Variants in NSMCE2 observed in about 807,000 individuals in gnomAD.
The protein encoded by NSMCE2 is E3 SUMO-protein ligase NSE2.
A neutral mutation model predicts 23.8 loss-of-function variants in NSMCE2; 24 were observed. The ratio of observed to expected loss-of-function variants is 1.01; its 90% CI spans 0.73 to 1.42. The LOEUF is 1.42. Among genes scored for constraint, NSMCE2 ranks in the 40% most tolerant of loss-of-function variants. NSMCE2 has a pLI of 0.00. For synonymous variants in NSMCE2, 92 were observed against 94.1 expected (o/e 0.98, Z 0.13); for missense variants, 284 against 296.5 (o/e 0.96, Z 0.31).
intron 4 of NSMCE2, among the ~76,000 whole-genome samples, chr8:125,164,950 T>G (rs976013188): frequency 1.3e-5 from 2 of 152,230 alleles, no homozygotes; most frequent in African/African-American, 4.8e-5. Flanking sequence ...TCATGATCAA[T>G]TCTTAGAAGT....
chr8:125,299,448 G>A (rs1248440850), intron 5 of NSMCE2, among the ~76,000 whole-genome samples: 1 of 152,160 alleles, frequency 6.6e-6, no homozygotes, highest in African/African-American at 2.4e-5. Context: ...ACAGGAGAGA[G>A]AGCGAGCAAG....
intron 5 of NSMCE2, among the ~76,000 whole-genome samples, chr8:125,326,105 AAAT>A (rs1262794827): frequency 2.0e-5 from 3 of 151,920 alleles, no homozygotes; most frequent in African/African-American, 7.3e-5. Flanking sequence ...AAAATACAAA[AAAT>A]TAGCTGGGTG....
Position 125,366,872 on chromosome 8 carries a change from G to T in NSMCE2, c.731G>T (p.Arg244Leu). The T allele has an allele frequency of 6.2e-7, 1 of 1,600,748 alleles. No individual in the cohort carries two copies. The change falls in exon 8 of 8, where the codon CGT becomes CTT. Residue 244 changes from arginine (R) to leucine (L), a missense_variant. Coordinates refer to ENST00000287437, the MANE Select transcript of NSMCE2 (RefSeq NM_173685.4). ...AIENHNKKRH[R>L]HSE ...GAGAACCATAACAAGAAAAGACATC[G>T]TCATTCCGAGTAGGAAAAGCCACCT...
intron 5 of NSMCE2, among the ~76,000 whole-genome samples, chr8:125,318,196 C>T (rs893885571): frequency 2.0e-5 from 3 of 152,168 alleles, no homozygotes; most frequent in African/African-American, 7.2e-5. Context: ...ATCACTTGAT[C>T]TCAGGAGTTT....
chr8:125,156,707 C>G (rs1821333534), intron 4 of NSMCE2, among the ~76,000 whole-genome samples: 1 of 152,122 alleles, frequency 6.6e-6, no homozygotes, highest in Non-Finnish European at 1.5e-5. Context: ...TTGATGTATG[C>G]TATTGAAACC....
chr8:125,152,773 C>G (rs1440338279), intron 4 of NSMCE2, among the ~76,000 whole-genome samples: 3 of 152,010 alleles, frequency 2.0e-5, no homozygotes, highest in African/African-American at 4.8e-5. Flanking sequence ...GAATTGAACT[C>G]TTGGCTGGGC....
intron 5 of NSMCE2, among the ~76,000 whole-genome samples, chr8:125,250,097 C>T (rs1291345953): frequency 1.3e-5 from 2 of 152,164 alleles, no homozygotes; most frequent in African/African-American, 4.8e-5. Flanking sequence ...TCAAGCGATT[C>T]TCCTGCCTCA....
Position 125,211,366 on chromosome 8 carries a change from T to G in NSMCE2, c.418+29110T>G, listed in dbSNP as rs115566480. Among the ~76,000 whole-genome samples, 748 of 152,328 alleles carry G rather than the reference T, an allele frequency of 4.9e-3. 5 individuals carry two copies. The highest frequency in any genetic ancestry group is 0.017 in the African/African-American group (709 of 41,566). ...CACATGTGTTTTAATGGTAGCATAT[T>G]GGATACTCTGTTCTACTTTGCTTTG... On this transcript the variant is annotated intron_variant, in intron 5 of 7. Coordinates refer to ENST00000287437, the MANE Select transcript of NSMCE2 (RefSeq NM_173685.4).
At chr8:125,129,442 A>G (rs1393711131) in intron 3 of NSMCE2, among the ~76,000 whole-genome samples, 1 of 152,148 alleles carries the variant, frequency 6.6e-6, no homozygotes, top group Non-Finnish European at 1.5e-5. Context: ...TAACTAGTTA[A>G]TAGAAGTGCT....
chr8:125,120,059 T>C (rs555636743), intron 3 of NSMCE2, among the ~76,000 whole-genome samples: 10 of 152,196 alleles, frequency 6.6e-5, no homozygotes, highest in Non-Finnish European at 1.2e-4. Flanking sequence ...ATGTCTAAAA[T>C]ATTTTAACAT....
intron 1 of NSMCE2, among the ~76,000 whole-genome samples, chr8:125,099,225 A>G (rs766380911): frequency 5.3e-5 from 8 of 152,158 alleles, no homozygotes; most frequent in Non-Finnish European, 7.4e-5. Flanking sequence ...GCCTTGAGGA[A>G]AGATAAAGCA....
At chr8:125,275,353 C>G (rs1434892744) in intron 5 of NSMCE2, among the ~76,000 whole-genome samples, 1 of 152,176 alleles carries the variant, frequency 6.6e-6, no homozygotes, top group Admixed American at 6.5e-5. Flanking sequence ...CATCATTATT[C>G]ATTATAATTT....
At chr8:125,331,128 C>T (rs1829860999) in intron 5 of NSMCE2, among the ~76,000 whole-genome samples, 1 of 151,980 alleles carries the variant, frequency 6.6e-6, no homozygotes, top group South Asian at 2.1e-4. Flanking sequence ...GGTGAAACCC[C>T]GTCTCTACTA....
rs531365570 is a variant in NSMCE2 at position 125,195,918 on chromosome 8, A to T, written c.418+13662A>T. On this transcript the variant is annotated intron_variant, in intron 5 of 7. Transcript: ENST00000287437. The stretch of plus-strand genomic sequence containing the variant: ...TTTTTTTTTTTTGAGATGGAGTCTC[A>T]TTCTGTCACCCAGGCTGGAGTGCAG... Among the ~76,000 whole-genome samples the T allele has an allele frequency of 6.3e-5, 7 of 110,366 alleles. No individual in the cohort carries two copies. The South Asian group carries it at 1.1e-3, about 17-fold the overall frequency. The allele number at this position is 110,366 out of a possible 152,430, so 72.4% of individuals were successfully genotyped here.
intron 5 of NSMCE2, among the ~76,000 whole-genome samples, chr8:125,259,021 G>T (rs1172841654): frequency 6.6e-6 from 1 of 152,202 alleles, no homozygotes; most frequent in Non-Finnish European, 1.5e-5. Context: ...TCCTGCCTCA[G>T]CCTCCCAAGT....
At chr8:125,219,379 T>A (rs1393012572) in intron 5 of NSMCE2, among the ~76,000 whole-genome samples, 4 of 152,170 alleles carry the variant, frequency 2.6e-5, no homozygotes, top group African/African-American at 9.7e-5. Flanking sequence ...CTAAATTTAC[T>A]CTGGATTGAA....
chr8:125,202,087 C>T (rs1267582914), intron 5 of NSMCE2, among the ~76,000 whole-genome samples: 2 of 152,206 alleles, frequency 1.3e-5, no homozygotes, highest in Admixed American at 6.5e-5. Flanking sequence ...AGTATTTTGG[C>T]GAGAGTGTCC....
intron 5 of NSMCE2, among the ~76,000 whole-genome samples, chr8:125,256,789 G>A (rs1826438297): frequency 6.6e-6 from 1 of 151,832 alleles, no homozygotes; most frequent in Admixed American, 6.6e-5. Flanking sequence ...GCTGGGCGTG[G>A]TGGCACATGC....
At chr8:125,259,087 A>G (rs1486354351) in intron 5 of NSMCE2, among the ~76,000 whole-genome samples, 1 of 152,128 alleles carries the variant, frequency 6.6e-6, no homozygotes, top group African/African-American at 2.4e-5. Flanking sequence ...TTTTTAGTAG[A>G]GACGGGGTTT....
Sources: allele counts gnomAD v4.1 joint callset (sites outside exome capture counted in the v4.1 genomes callset), GRCh38; gene constraint gnomAD v4.1.1; transcripts MANE v1.5; gene names NCBI Gene and HGNC (gene_info 2026-07-23, HGNC 2026-07-21).